LARS1: variants seen among roughly 807,000 people sequenced by gnomAD.
The protein encoded by LARS1 is leucyl-tRNA synthetase 1.
Under a neutral mutation model 162.8 loss-of-function variants are expected in LARS1, and 100 were observed. That is an observed-to-expected ratio of 0.61 (90% CI 0.52 to 0.73). The LOEUF (loss-of-function observed/expected upper bound fraction) is 0.73. LARS1 is among the 30% of genes least tolerant of loss of function. The pLI, the probability that LARS1 is intolerant of heterozygous loss-of-function variation, is 0.00. For missense variants in LARS1, 1,258 were observed against 1,408.9 expected, an observed-to-expected ratio of 0.89 and a Z score of 1.71; for synonymous variants, 457 against 462.8, an observed-to-expected ratio of 0.99 and a Z score of 0.16.
At chr5:146,155,353 T>C (rs1332530910) in intron 10 of LARS1, among the ~76,000 whole-genome samples, 1 of 152,180 alleles carries the variant, frequency 6.6e-6, no homozygotes, top group Non-Finnish European at 1.5e-5. Flanking sequence ...CTGAGTTAAT[T>C]ATACTAGGAA....
At chr5:146,131,137 T>C (rs747710016) in intron 23 of LARS1, 28 bp from the exon 24 acceptor site, 6 of 1,275,994 alleles carry the variant, frequency 4.7e-6, no homozygotes, top group South Asian at 2.7e-5. Flanking sequence ...AAAAAGGTTA[T>C]TGAGTTTAAA....
intron 15 of LARS1, among the ~76,000 whole-genome samples, chr5:146,149,354 A>G (rs942069230): frequency 3.9e-5 from 6 of 152,228 alleles, no homozygotes; most frequent in African/African-American, 1.4e-4. Flanking sequence ...TGTAACTACC[A>G]GTATCTAAAA....
chr5:146,129,861 T>G (rs1752202350), intron 25 of LARS1, among the ~76,000 whole-genome samples, 157 bp downstream of exon 25: 1 of 152,230 alleles, frequency 6.6e-6, no homozygotes, highest in East Asian at 1.9e-4. Flanking sequence ...AGGAGATAGC[T>G]CTGGTTTAAC....
At chr5:146,175,491 G>A (rs1339704979) in intron 2 of LARS1, among the ~76,000 whole-genome samples, 2 of 146,176 alleles carry the variant, frequency 1.4e-5, no homozygotes, top group Non-Finnish European at 3.0e-5. Context: ...GCAGTGAGCC[G>A]AGATCATGCC....
intron 23 of LARS1, 24 bp downstream of exon 23, chr5:146,132,874 A>G: frequency 6.3e-7 from 1 of 1,599,162 alleles, no homozygotes; most frequent in African/African-American, 1.3e-5. Flanking sequence ...CTAAAACACA[A>G]AATGATTGGG....
intron 10 of LARS1, among the ~76,000 whole-genome samples, chr5:146,154,798 T>A (rs540202492): frequency 6.6e-6 from 1 of 151,964 alleles, no homozygotes; most frequent in African/African-American, 2.4e-5. Context: ...GAAAAGAATA[T>A]AAATAAAATA....
chr5:146,159,812 CTTAAG>C (rs1431829662), intron 7 of LARS1, among the ~76,000 whole-genome samples: 7 of 151,744 alleles, frequency 4.6e-5, no homozygotes, highest in African/African-American at 4.8e-5. Context: ...ATTTTCATTT[CTTAAG>C]TTATCTTCCT....
At chr5:146,137,485 A>T (rs572857969) in intron 21 of LARS1, among the ~76,000 whole-genome samples, 2 of 152,244 alleles carry the variant, frequency 1.3e-5, no homozygotes, top group East Asian at 1.9e-4. Flanking sequence ...AGTCTGTTTT[A>T]AAAAAATCAC....
chr5:146,125,877 T>C (rs1482408026), intron 28 of LARS1, among the ~76,000 whole-genome samples: 1 of 151,978 alleles, frequency 6.6e-6, no homozygotes, highest in African/African-American at 2.4e-5. Flanking sequence ...CATTTGGCAA[T>C]GTCTGGAGAT....
chr5:146,139,477 T>A (rs547587793), intron 21 of LARS1: 1 of 152,500 alleles, frequency 6.6e-6, no homozygotes, highest in Non-Finnish European at 1.5e-5. Context: ...GCAATTTGTG[T>A]CACCTTTGGC....
intron 31 of LARS1, 145 bp downstream of exon 31, chr5:146,120,225 GT>G: frequency 1.1e-6 from 1 of 890,838 alleles, no homozygotes; most frequent in South Asian, 1.6e-5. Flanking sequence ...AAAAAGAATA[GT>G]TTTCTTGATT....
chr5:146,121,042 A>C (rs1751798721), intron 30 of LARS1, among the ~76,000 whole-genome samples: 1 of 152,182 alleles, frequency 6.6e-6, no homozygotes, highest in African/African-American at 2.4e-5. Context: ...GAAAGACTTA[A>C]ATACATAGTA....
rs140452772 is a variant in LARS1 at position 146,140,534 on chromosome 5, G to A, written c.2091-273C>T. On this transcript the variant is annotated intron_variant, in intron 20 of 31. Coordinates refer to ENST00000394434, the MANE Select transcript of LARS1 (RefSeq NM_020117.11). ...TTAAAAATATATGTGAAGGCTGGGC[G>A]CAGTGGCTCACGCCCGTAATCCCAG... Among the ~76,000 whole-genome samples, 491 of 152,358 alleles carry A rather than the reference G, an allele frequency of 3.2e-3. 1 individual carries two copies. The highest frequency in any genetic ancestry group is 0.011 in the African/African-American group (458 of 41,586).
chr5:146,128,671 C>T lies in LARS1; in HGVS notation c.2880+1G>A. ...GGGGAAAAGTCTACTGAGAGCATCA[C>T]CTCAAAGTGTTTACGTAGAACAGAC... On this transcript the variant is annotated splice_donor_variant, in intron 27 of 31. Coordinates refer to ENST00000394434, the MANE Select transcript of LARS1 (RefSeq NM_020117.11). LOFTEE classifies it high-confidence loss of function. 6.4e-7 allele frequency: 1 copy of T among 1,558,430 alleles called. No homozygotes were observed. The highest frequency in any genetic ancestry group is 8.6e-7 in the Non-Finnish European group (1 of 1,159,334).
chr5:146,156,027 G>A (rs911714046), intron 10 of LARS1, among the ~76,000 whole-genome samples: 2 of 152,214 alleles, frequency 1.3e-5, no homozygotes, highest in Non-Finnish European at 2.9e-5. Flanking sequence ...CTGACAAAAT[G>A]ATTGCCAAGA....
intron 21 of LARS1, chr5:146,139,503 T>G (rs1561808940): frequency 6.6e-6 from 1 of 152,288 alleles, no homozygotes; most frequent in Non-Finnish European, 1.5e-5. Context: ...TAAATACAAA[T>G]GTTACAAATA....
At position 146,126,503 on chromosome 5, in the gene LARS1, C is replaced by T; in HGVS notation, c.2923G>A (p.Glu975Lys). The change falls in exon 28 of 32, where the codon GAA becomes AAA. Residue 975 changes from glutamate to lysine, a missense_variant. Transcript: ENST00000394434. Reference sequence around the variant, plus strand: ...TTCAGTTCTGGCATACTGCCTAGTTCACTAGCAATGACTTTGTTGTCAGGC... The same window carrying T: ...TTCAGTTCTGGCATACTGCCTAGTTTACTAGCAATGACTTTGTTGTCAGGC... Reference protein sequence around the residue: ...KLPDNKVIASELGSMPELKKY... With the variant: ...KLPDNKVIASKLGSMPELKKY... 3.7e-6 allele frequency: 6 copies of T among 1,612,326 alleles called. No individual in the cohort carries two copies. The highest frequency in any genetic ancestry group is 5.1e-6 in the Non-Finnish European group (6 of 1,178,856).
At chr5:146,163,549 G>T (rs1315517021) in intron 6 of LARS1, among the ~76,000 whole-genome samples, 1 of 152,126 alleles carries the variant, frequency 6.6e-6, no homozygotes, top group African/African-American at 2.4e-5. Flanking sequence ...AGCCAGGCGT[G>T]TTGGCAGACG....
intron 1 of LARS1, among the ~76,000 whole-genome samples, chr5:146,179,201 C>T (rs368660464): frequency 2.8e-4 from 42 of 152,302 alleles, no homozygotes; most frequent in East Asian, 1.4e-3. Context: ...CACTGCACTC[C>T]AGCCTAGGCA....
Sources: gnomAD v4.1 joint callset for allele counts (sites outside exome capture counted in the v4.1 genomes callset) on GRCh38, gnomAD v4.1.1 for gene constraint, MANE v1.5 for transcripts, NCBI Gene and HGNC (gene_info 2026-07-23, HGNC 2026-07-21) for gene names.